The following HIVEP1 variants were observed in gnomAD, a reference collection of about 807,000 sequenced individuals.
HIVEP1 encodes HIVEP zinc finger 1.
A neutral mutation model predicts 180.0 loss-of-function variants in HIVEP1; 36 were observed. The ratio of observed to expected loss-of-function variants is 0.20; its 90% confidence interval spans 0.15 to 0.26. The LOEUF (loss-of-function observed/expected upper bound fraction) is 0.26. Among genes scored for constraint, HIVEP1 ranks in the 10% least tolerant of loss-of-function variants. The pLI, the probability that HIVEP1 is intolerant of heterozygous loss-of-function variation, is 1.00. For synonymous variants in HIVEP1, 1,239 were observed against 1,239.0 expected, an observed-to-expected ratio of 1.00 and a Z score of 0.00; for missense variants, 3,143 against 3,268.7, an observed-to-expected ratio of 0.96 and a Z score of 0.94.
intron 7 of HIVEP1, among the ~76,000 whole-genome samples, chr6:12,158,935 T>A (rs1358055094): frequency 6.6e-6 from 1 of 152,140 alleles, no homozygotes; most frequent in African/African-American, 2.4e-5. Context: ...TACCCCACCC[T>A]CCTGTGAGCA....
chr6:12,176,335 G>T, the HIVEP1 span, among the ~76,000 whole-genome samples: 1 of 150,670 alleles, frequency 6.6e-6, no homozygotes, highest in African/African-American at 2.4e-5. Flanking sequence ...AGATTCAAGC[G>T]ATTCTCTTGC....
At chr6:12,187,992 C>T in the HIVEP1 span, among the ~76,000 whole-genome samples, 1 of 152,156 alleles carries the variant, frequency 6.6e-6, no homozygotes. Flanking sequence ...CAATACAAGA[C>T]AGCCTATCAG....
At chr6:12,167,349 C>T (rs970058123), downstream of HIVEP1, among the ~76,000 whole-genome samples, 4 of 151,858 alleles carry the variant, frequency 2.6e-5, no homozygotes, top group African/African-American at 9.6e-5. Context: ...TTTCATCTTA[C>T]ATTTTGCAGT....
intron 7 of HIVEP1, among the ~76,000 whole-genome samples, chr6:12,148,896 AAC>A (rs2113642367): frequency 6.6e-6 from 1 of 152,320 alleles, no homozygotes; most frequent in Non-Finnish European, 1.5e-5. Context: ...GGTTCTCCCA[AAC>A]ACAGTCGAAG....
At chr6:12,020,359 C>T in intron 2 of HIVEP1, 1 of 471,176 alleles carries the variant, frequency 2.1e-6, no homozygotes, top group South Asian at 1.5e-5. Context: ...AGCATGTTGT[C>T]CTGGGTTCCG....
At chr6:12,148,674 CA>C (rs1389618630) in intron 7 of HIVEP1, among the ~76,000 whole-genome samples, 4 of 152,174 alleles carry the variant, frequency 2.6e-5, no homozygotes, top group Admixed American at 6.5e-5. Flanking sequence ...TGTGTGTCAA[CA>C]GTAGAAATTC....
intron 2 of HIVEP1, among the ~76,000 whole-genome samples, chr6:12,081,478 A>G (rs1247799189): frequency 6.6e-6 from 1 of 152,120 alleles, no homozygotes; most frequent in African/African-American, 2.4e-5. Context: ...CCTTTCCACT[A>G]GCAGACTTTT....
chr6:12,166,313 T>C (rs549789015), downstream of HIVEP1, among the ~76,000 whole-genome samples: 1 of 152,356 alleles, frequency 6.6e-6, no homozygotes, highest in South Asian at 2.1e-4. Flanking sequence ...TTGAGGTTTT[T>C]TAGTTTCTAT....
At chr6:12,051,083 T>G (rs949611241) in intron 2 of HIVEP1, among the ~76,000 whole-genome samples, 6 of 148,352 alleles carry the variant, frequency 4.0e-5, no homozygotes, top group African/African-American at 1.5e-4. Flanking sequence ...ACCTCTTGGA[T>G]CTTATACTTC....
At chr6:12,009,047 G>A (rs1397115081), upstream of HIVEP1, among the ~76,000 whole-genome samples, 1 of 151,420 alleles carries the variant, frequency 6.6e-6, no homozygotes, top group Non-Finnish European at 1.5e-5. Flanking sequence ...GGAGGGCGGA[G>A]GGCCGAGGGG....
chr6:12,188,578 T>C, the HIVEP1 span, among the ~76,000 whole-genome samples: 1 of 152,090 alleles, frequency 6.6e-6, no homozygotes, highest in African/African-American at 2.4e-5. Flanking sequence ...AGTTAATTAC[T>C]TATATCAAAA....
At position 12,164,435 on chromosome 6, in the gene HIVEP1, G is replaced by A. The variant is rs758502253; in HGVS notation, c.8131G>A (p.Glu2711Lys). The A allele has an allele frequency of 8.1e-6, 13 of 1,611,786 alleles. No homozygotes were observed. The highest frequency in any genetic ancestry group is 4.5e-5 in the East Asian group (2 of 44,890). The change falls in exon 9 of 9, where the codon GAG becomes AAG. Residue 2711 changes from glutamate (E) to lysine (K), a missense_variant. Coordinates refer to ENST00000379388, the MANE Select transcript of HIVEP1 (RefSeq NM_002114.4). Reference protein sequence around the residue: ...HFSDVSSDDDEDRLVIAT With the variant: ...HFSDVSSDDDKDRLVIAT ...CAGCGACGTGAGCAGCGATGATGAC[G>A]AGGACAGGCTTGTGATAGCAACCTG...
intron 7 of HIVEP1, among the ~76,000 whole-genome samples, chr6:12,141,019 C>T (rs1261438194): frequency 2.0e-5 from 3 of 152,122 alleles, no homozygotes; most frequent in Non-Finnish European, 4.4e-5. Context: ...ATACAGAGAA[C>T]ACCACAAAGA....
chr6:12,196,752 C>A, the HIVEP1 span, among the ~76,000 whole-genome samples: 14 of 152,186 alleles, frequency 9.2e-5, no homozygotes, highest in African/African-American at 3.4e-4. Context: ...ATGTTAGAAT[C>A]CTCTTCCTAG....
chr6:12,195,924 C>T, the HIVEP1 span, among the ~76,000 whole-genome samples: 4 of 152,194 alleles, frequency 2.6e-5, no homozygotes, highest in Non-Finnish European at 4.4e-5. Flanking sequence ...AATAACTATC[C>T]GTTCACCTTT....
upstream of HIVEP1, among the ~76,000 whole-genome samples, chr6:12,009,143 G>GCGGCGGCGGCGGCGGCGC (rs1359202464): frequency 6.8e-6 from 1 of 146,518 alleles, no homozygotes; most frequent in East Asian, 2.0e-4. Context: ...GGCGGCGGCG[G>GCGGCGGCGGCGGCGGCGC]CGCTGCCGGG....
the HIVEP1 span, among the ~76,000 whole-genome samples, chr6:12,187,550 A>G: frequency 6.6e-6 from 1 of 151,098 alleles, no homozygotes; most frequent in African/African-American, 2.4e-5. Context: ...TAGATCCCCA[A>G]TCCTGAACTT....
chr6:12,031,198 C>T (rs1371405628), intron 2 of HIVEP1, among the ~76,000 whole-genome samples: 1 of 152,318 alleles, frequency 6.6e-6, no homozygotes, highest in East Asian at 1.9e-4. Flanking sequence ...ACTTTCAAAT[C>T]ACAGGCAGTT....
chr6:12,122,535 G>A lies in HIVEP1; in HGVS notation c.2740G>A (p.Gly914Ser). ...TTCAGCAAATGAAAGTCATGTTCTT[G>A]GTACTGGACAGTCCCTGGATGAGAG... ...DSSANESHVLGTGQSLDESHQ... is the reference protein window; with the variant it reads ...DSSANESHVLSTGQSLDESHQ... Residue 914 changes from glycine to serine, a missense_variant, in exon 4 of 9, where the codon GGT becomes AGT. Coordinates refer to ENST00000379388, the MANE Select transcript of HIVEP1 (RefSeq NM_002114.4). 1 of 1,614,196 alleles carries A rather than the reference G, an allele frequency of 6.2e-7. No individual in the cohort carries two copies. Among genetic ancestry groups the A allele is most frequent in the Non-Finnish European group, 8.5e-7 (1 of 1,180,042 alleles).
Sources: gnomAD v4.1 joint callset for allele counts (sites outside exome capture counted in the v4.1 genomes callset) on GRCh38, gnomAD v4.1.1 for gene constraint, MANE v1.5 for transcripts, NCBI Gene and HGNC (gene_info 2026-07-23, HGNC 2026-07-21) for gene names.